LMX1B: variants seen among roughly 807,000 people sequenced by gnomAD.
LMX1B encodes the protein LIM homeobox transcription factor 1 beta.
In LMX1B, 12 loss-of-function variants were observed where a neutral mutation model predicts 51.4. That is an observed-to-expected ratio of 0.23 (90% CI 0.15 to 0.38). The LOEUF (loss-of-function observed/expected upper bound fraction) is 0.38. Among genes scored for constraint, LMX1B ranks in the 10% least tolerant of loss-of-function variants. The pLI, the probability that LMX1B is intolerant of heterozygous loss-of-function variation, is 1.00. For synonymous variants in LMX1B, 237 were observed against 235.4 expected, an observed-to-expected ratio of 1.01 and a Z score of -0.06; for missense variants, 445 against 571.1, an observed-to-expected ratio of 0.78 and a Z score of 2.25.
chr9:126,663,611 A>G (rs1248177311), intron 2 of LMX1B, among the ~76,000 whole-genome samples: 1 of 152,160 alleles, frequency 6.6e-6, no homozygotes, highest in Non-Finnish European at 1.5e-5. Context: ...AACACATACG[A>G]TGTTTGGAGT....
intron 2 of LMX1B, among the ~76,000 whole-genome samples, chr9:126,669,629 G>A (rs1265256846): frequency 1.3e-5 from 2 of 152,150 alleles, no homozygotes; most frequent in African/African-American, 4.8e-5. Context: ...GGGTATGTCT[G>A]TGCACACTGT....
chr9:126,633,520 C>T (rs1835665850), intron 2 of LMX1B, among the ~76,000 whole-genome samples: 1 of 152,110 alleles, frequency 6.6e-6, no homozygotes, highest in South Asian at 2.1e-4. Flanking sequence ...GACACCTGGC[C>T]AATCCTGGGG....
intron 2 of LMX1B, among the ~76,000 whole-genome samples, chr9:126,621,036 A>G (rs901727845): frequency 6.6e-6 from 1 of 152,276 alleles, no homozygotes; most frequent in Non-Finnish European, 1.5e-5. Flanking sequence ...GTTTCCACCC[A>G]TGGGTGGCTG....
At position 126,693,618 on chromosome 9, in the gene LMX1B, C is replaced by A. The variant is rs745541136; in HGVS notation, c.819+17C>A. The A allele has an allele frequency of 2.5e-6, 4 of 1,613,824 alleles. No individual in the cohort carries two copies. The highest frequency in any genetic ancestry group is 1.7e-5 in the Admixed American group (1 of 60,020). On this transcript the variant is annotated intron_variant, in intron 5 of 7. Coordinates refer to ENST00000373474, the MANE Select transcript of LMX1B (RefSeq NM_001174147.2). ...AGAGCAAAGGTAAGAGGCCACCCCC[C>A]ATCCCCACTGGCCCCGGGTAGGGTG...
chr9:126,686,410 G>A (rs182249616), intron 2 of LMX1B, among the ~76,000 whole-genome samples: 10 of 152,160 alleles, frequency 6.6e-5, no homozygotes, highest in South Asian at 2.1e-4. Flanking sequence ...AAATAAACCC[G>A]TAAAAACTCA....
intron 2 of LMX1B, among the ~76,000 whole-genome samples, chr9:126,687,220 T>C (rs1296258579): frequency 6.6e-6 from 1 of 151,506 alleles, no homozygotes; most frequent in Non-Finnish European, 1.5e-5. Flanking sequence ...TCATTCCCTT[T>C]TTTTTTTTAT....
chr9:126,661,695 G>A lies in LMX1B; in HGVS notation c.327-29141G>A, dbSNP rs920945624. Among the ~76,000 whole-genome samples the A allele has an allele frequency of 2.6e-4, 39 of 152,086 alleles. 1 individual carries two copies. The highest frequency in any genetic ancestry group is 7.4e-5 in the Non-Finnish European group (5 of 67,994). ...CTCCCCACCTGCCAGCCTGCAGTGT[G>A]GCTGCGGGGCCCGAGTTGAGCAGGC... On this transcript the variant is annotated intron_variant, in intron 2 of 7. Transcript: ENST00000373474.
At chr9:126,636,436 A>G (rs1037660242) in intron 2 of LMX1B, among the ~76,000 whole-genome samples, 1 of 152,182 alleles carries the variant, frequency 6.6e-6, no homozygotes, top group Admixed American at 6.5e-5. Flanking sequence ...TCAGGTCACA[A>G]AAGGTCTTGA....
Position 126,693,219 on chromosome 9 carries a change from G to A in LMX1B, c.637G>A (p.Gly213Arg), listed in dbSNP as rs1472509996. Reference sequence around the variant, plus strand: ...TCAGAGCAAGGGCAGCGGGGATGACGGGAAGGACCCGCGGAGGCCCAAGCG... The same window carrying A: ...TCAGAGCAAGGGCAGCGGGGATGACAGGAAGGACCCGCGGAGGCCCAAGCG... ...GSQSKGSGDDGKDPRRPKRPR... is the reference protein window; with the variant it reads ...GSQSKGSGDDRKDPRRPKRPR... The change falls in exon 4 of 8, where the codon GGG becomes AGG. Residue 213 changes from glycine (G) to arginine (R), a missense_variant. Gly to Arg is a moderately radical substitution (Grantham distance 125). This residue lies in a region of LMX1B where 273 missense variants were observed against 343.3 expected (regional missense o/e 0.80). Coordinates refer to ENST00000373474, the MANE Select transcript of LMX1B (RefSeq NM_001174147.2). The A allele has an allele frequency of 9.9e-6, 16 of 1,610,120 alleles. No homozygotes were observed. The highest frequency in any genetic ancestry group is 1.3e-5 in the African/African-American group (1 of 74,874).
At position 126,625,727 on chromosome 9, in the gene LMX1B, C is replaced by T. The variant is rs919434655; in HGVS notation, c.326+10158C>T. 6.6e-6 allele frequency among the ~76,000 whole-genome samples: 1 copy of T among 152,236 alleles called. No homozygotes were observed. Among genetic ancestry groups the T allele is most frequent in the Non-Finnish European group, 1.5e-5 (1 of 68,042 alleles). ...CCTCCGCCGCCGCCGCCGCCACCCT[C>T]GTCCCACCGTTTGCAGGGCTTTCCT... On this transcript the variant is annotated intron_variant, in intron 2 of 7. Coordinates refer to ENST00000373474, the MANE Select transcript of LMX1B (RefSeq NM_001174147.2). The surrounding 1 kb of genome is among the most constrained non-coding windows in gnomAD (Gnocchi z 5.3).
At position 126,641,298 on chromosome 9, in the gene LMX1B, C is replaced by G. The variant is rs1427560163; in HGVS notation, c.326+25729C>G. On this transcript the variant is annotated intron_variant, in intron 2 of 7. Coordinates refer to ENST00000373474, the MANE Select transcript of LMX1B (RefSeq NM_001174147.2). This position sits in a 1 kb window ranked among gnomAD's most constrained non-coding sequence, Gnocchi z 4.1. ...TTAAAGCTGCTGTTGACTGAACACT[C>G]TCTGTGTGCTGAGCACTGTACTAAG... 1 of 152,262 alleles carries G rather than the reference C, an allele frequency of 6.6e-6. No homozygotes were observed. The highest frequency in any genetic ancestry group is 1.5e-5 in the Non-Finnish European group (1 of 68,066). 9.4% of individuals were successfully genotyped at this position (152,262 alleles called of 1,614,324 possible).
rs753041025 is a variant in LMX1B, at chr9:126,693,332, C to T, written c.741+9C>T. ...CGAAGCCTTGCCGAAAGGTGAGGGG[C>T]GGCCGGGGGGCGGGGCTCAGGCTGA... On this transcript the variant is annotated intron_variant, in intron 4 of 7. Coordinates refer to ENST00000373474, the MANE Select transcript of LMX1B (RefSeq NM_001174147.2). 10 of 1,586,604 alleles carry T rather than the reference C, an allele frequency of 6.3e-6. No homozygotes were observed. Among genetic ancestry groups the T allele is most frequent in the East Asian group, 2.3e-5 (1 of 43,136 alleles).
intron 3 of LMX1B, among the ~76,000 whole-genome samples, chr9:126,692,602 G>A (rs537868389): frequency 5.2e-4 from 79 of 152,380 alleles, no homozygotes; most frequent in African/African-American, 1.9e-3. Flanking sequence ...GTGAGCCCAC[G>A]TGTATGTGGC....
At chr9:126,694,946 C>T (rs913020011) in intron 6 of LMX1B, among the ~76,000 whole-genome samples, 1 of 152,120 alleles carries the variant, frequency 6.6e-6, no homozygotes, top group Non-Finnish European at 1.5e-5. Context: ...CATGGCATGC[C>T]CTGCTCCTCC....
At chr9:126,678,962 T>A (rs968097630) in intron 2 of LMX1B, among the ~76,000 whole-genome samples, 12 of 152,236 alleles carry the variant, frequency 7.9e-5, no homozygotes, top group Non-Finnish European at 1.3e-4. Flanking sequence ...CTATGGTCTA[T>A]GTGCAGCAGT....
chr9:126,693,317 C>T lies in LMX1B; in HGVS notation c.735C>T (p.Cys245=), dbSNP rs755241028. 3 of 1,598,708 alleles carry T rather than the reference C, an allele frequency of 1.9e-6. No homozygotes were observed. Among genetic ancestry groups the T allele is most frequent in the Non-Finnish European group, 2.6e-6 (3 of 1,173,612 alleles). ...CCTTCGAGGTCTCGTCGAAGCCTTG[C>T]CGAAAGGTGAGGGGCGGCCGGGGGG... ...KASFEVSSKP[C]RKVRETLAAE... Residue 245 remains cysteine, a synonymous_variant, in exon 4 of 8, where the codon TGC becomes TGT. Transcript: ENST00000373474.
At chr9:126,634,993 G>A (rs1835691406) in intron 2 of LMX1B, among the ~76,000 whole-genome samples, 1 of 152,200 alleles carries the variant, frequency 6.6e-6, no homozygotes, top group Non-Finnish European at 1.5e-5. Flanking sequence ...GCCGGTGCCA[G>A]TGTGGCTCTG....
intron 2 of LMX1B, among the ~76,000 whole-genome samples, chr9:126,656,061 T>C (rs1191556066): frequency 1.3e-5 from 2 of 152,192 alleles, no homozygotes; most frequent in Admixed American, 6.5e-5. Flanking sequence ...AATTGAACTC[T>C]GAGCATCCTA....
intron 2 of LMX1B, among the ~76,000 whole-genome samples, chr9:126,669,615 C>T (rs890165329): frequency 6.6e-6 from 1 of 152,158 alleles, no homozygotes; most frequent in Non-Finnish European, 1.5e-5. Context: ...TTTTGTGCTC[C>T]TCTGGGTATG....
Sources: allele counts gnomAD v4.1 joint callset (sites outside exome capture counted in the v4.1 genomes callset), GRCh38; gene constraint gnomAD v4.1.1; regional missense constraint gnomAD v4.1.1; non-coding constraint Gnocchi (gnomAD v3.1); transcripts MANE v1.5; gene names NCBI Gene and HGNC (gene_info 2026-07-23, HGNC 2026-07-21).